GALNT17: variants seen among roughly 807,000 people sequenced by gnomAD.
The protein encoded by GALNT17 is UDP-GalNAc:polypeptide N-acetylgalactosaminyltransferase-like 3.
Under a neutral mutation model 63.7 loss-of-function variants are expected in GALNT17, and 29 were observed. The ratio of observed to expected loss-of-function variants is 0.46; its 90% CI spans 0.34 to 0.62. The LOEUF (loss-of-function observed/expected upper bound fraction) is 0.62. Ranked by LOEUF, GALNT17 falls within the 20% of genes least tolerant of loss-of-function variation. GALNT17 has a pLI of 0.01. For missense variants in GALNT17, 603 were observed against 799.6 expected, an observed-to-expected ratio of 0.75 and a Z score of 2.97; for synonymous variants, 305 against 318.3, an observed-to-expected ratio of 0.96 and a Z score of 0.45.
chr7:71,362,594 A>T (rs1043986474), intron 2 of GALNT17, among the ~76,000 whole-genome samples: 7 of 152,326 alleles, frequency 4.6e-5, no homozygotes, highest in African/African-American at 1.7e-4. Flanking sequence ...GCACAGGCCT[A>T]AGGGAACGCA....
At chr7:71,439,943 CTTTTTTTTTTT>C (rs370145707) in intron 5 of GALNT17, among the ~76,000 whole-genome samples, 2 of 123,412 alleles carry the variant, frequency 1.6e-5, no homozygotes, top group Non-Finnish European at 3.4e-5. Flanking sequence ...TCCAGGCCCT[CTTTTTTTTTTT>C]TTTTTTTTTG....
At chr7:71,373,828 G>A (rs1182256739) in intron 2 of GALNT17, among the ~76,000 whole-genome samples, 1 of 152,062 alleles carries the variant, frequency 6.6e-6, no homozygotes, top group Non-Finnish European at 1.5e-5. Context: ...AAAAATGTTG[G>A]GGGCCGTTGC....
intron 1 of GALNT17, among the ~76,000 whole-genome samples, chr7:71,332,363 A>G (rs537051702): frequency 7.4e-4 from 113 of 152,160 alleles, no homozygotes; most frequent in Non-Finnish European, 1.5e-3. Context: ...GATATTTCTC[A>G]AGAGAACCCA....
chr7:71,546,771 G>C (rs1055040232), intron 5 of GALNT17, among the ~76,000 whole-genome samples: 3 of 152,052 alleles, frequency 2.0e-5, no homozygotes, highest in African/African-American at 7.2e-5. Context: ...GTCCATAAAT[G>C]GTAGCTGTTC....
intron 6 of GALNT17, among the ~76,000 whole-genome samples, chr7:71,650,350 AGTGATTC>A (rs1179535515): frequency 6.6e-6 from 1 of 152,178 alleles, no homozygotes; most frequent in African/African-American, 2.4e-5. Context: ...TCTGGGTTCA[AGTGATTC>A]TCCTGCTTCA....
At chr7:71,347,742 G>A (rs1475107081) in intron 2 of GALNT17, among the ~76,000 whole-genome samples, 1 of 152,010 alleles carries the variant, frequency 6.6e-6, no homozygotes, top group African/African-American at 2.4e-5. Flanking sequence ...GATCAGAGGG[G>A]GCAGCTGTGG....
intron 6 of GALNT17, among the ~76,000 whole-genome samples, chr7:71,577,990 G>A (rs551772289): frequency 2.7e-5 from 4 of 150,920 alleles, no homozygotes; most frequent in Admixed American, 1.3e-4. Flanking sequence ...TTGCTCCTTC[G>A]GAGGGGTTGT....
chr7:71,580,345 T>G (rs1244236972), intron 6 of GALNT17, among the ~76,000 whole-genome samples: 2 of 151,798 alleles, frequency 1.3e-5, no homozygotes, highest in Non-Finnish European at 2.9e-5. Context: ...TAGATATAGA[T>G]GATAGATTAG....
intron 1 of GALNT17, among the ~76,000 whole-genome samples, chr7:71,271,394 G>A (rs1790585047): frequency 6.6e-6 from 1 of 152,164 alleles, no homozygotes; most frequent in South Asian, 2.1e-4. Context: ...CAAAGGGGTG[G>A]CACTGACCAG....
In GALNT17 at chr7:71,383,157, G is replaced by A. The variant is rs2116325272; in HGVS notation, c.423-5078G>A. On this transcript the variant is annotated intron_variant, in intron 2 of 10. Transcript: ENST00000333538. ...AGTAATCCTCAAAGTTCATCCATGT[G>A]GTAGTATATTGCAGAATTTCCTTCC... Among the ~76,000 whole-genome samples the A allele has an allele frequency of 1.3e-5, 2 of 152,174 alleles. 1 individual carries two copies. The highest frequency in any genetic ancestry group is 4.2e-4 in the South Asian group (2 of 4,816).
At chr7:71,523,039 C>T (rs978377971) in intron 5 of GALNT17, among the ~76,000 whole-genome samples, 5 of 152,112 alleles carry the variant, frequency 3.3e-5, no homozygotes, top group Non-Finnish European at 5.9e-5. Context: ...GACCTCGTCT[C>T]TATGGTACAT....
intron 3 of GALNT17, among the ~76,000 whole-genome samples, chr7:71,394,423 G>T (rs546390354): frequency 1.3e-5 from 2 of 152,032 alleles, no homozygotes; most frequent in Non-Finnish European, 2.9e-5. Flanking sequence ...CATATCACTC[G>T]GCCCCCTCCC....
intron 6 of GALNT17, among the ~76,000 whole-genome samples, chr7:71,588,391 T>C (rs991631497): frequency 6.6e-6 from 1 of 152,220 alleles, no homozygotes; most frequent in Non-Finnish European, 1.5e-5. Context: ...GTCCCTAGGA[T>C]ATATTCCATT....
chr7:71,436,932 C>T (rs918929197), intron 5 of GALNT17, among the ~76,000 whole-genome samples: 4 of 152,112 alleles, frequency 2.6e-5, no homozygotes, highest in Non-Finnish European at 5.9e-5. Flanking sequence ...TACACTGACA[C>T]AGATATTCTG....
intron 1 of GALNT17, among the ~76,000 whole-genome samples, chr7:71,214,465 T>G (rs1382489814): frequency 1.3e-5 from 2 of 152,236 alleles, no homozygotes; most frequent in African/African-American, 2.4e-5. Context: ...ATCTTCCTCT[T>G]TGACAGTTCT....
chr7:71,531,677 C>T (rs567313201), intron 5 of GALNT17, among the ~76,000 whole-genome samples: 8 of 152,292 alleles, frequency 5.3e-5, no homozygotes, highest in African/African-American at 1.7e-4. Flanking sequence ...GCAGCCTCAA[C>T]CTCCCAGGCT....
At chr7:71,686,737 TG>T (rs1485647701) in intron 9 of GALNT17, among the ~76,000 whole-genome samples, 1 of 152,028 alleles carries the variant, frequency 6.6e-6, no homozygotes, top group African/African-American at 2.4e-5. Context: ...GGACCATAGT[TG>T]AGAGAGTGTT....
At chr7:71,242,356 G>A (rs565120703) in intron 1 of GALNT17, among the ~76,000 whole-genome samples, 24 of 138,662 alleles carry the variant, frequency 1.7e-4, no homozygotes, top group African/African-American at 5.9e-4. Flanking sequence ...TGCAAACTCC[G>A]CCTCCTGGGT....
chr7:71,669,858 G>T (rs868233336), intron 7 of GALNT17, 114 bp from the exon 8 acceptor site: 23 of 1,392,366 alleles, frequency 1.7e-5, no homozygotes, highest in South Asian at 2.8e-5. Context: ...ACCGTGCCCA[G>T]CCCAGGCTTA....
Sources: allele counts gnomAD v4.1 joint callset (sites outside exome capture counted in the v4.1 genomes callset), GRCh38; gene constraint gnomAD v4.1.1; transcripts MANE v1.5; gene names NCBI Gene and HGNC (gene_info 2026-07-23, HGNC 2026-07-21).